The following CADM2 variants were observed in gnomAD, a reference collection of about 807,000 sequenced individuals.
The protein encoded by CADM2 is immunoglobulin superfamily member 4D.
A neutral mutation model predicts 49.8 loss-of-function variants in CADM2; 12 were observed. The observed-to-expected ratio is 0.24, with a 90% CI of 0.15 to 0.39. The LOEUF (loss-of-function observed/expected upper bound fraction) is 0.39, where lower values mean the gene tolerates loss of function less well. CADM2 is among the 10% of genes least tolerant of loss of function. The pLI, the probability that CADM2 is intolerant of heterozygous loss-of-function variation, is 1.00. For missense variants in CADM2, 378 were observed against 492.3 expected (o/e 0.77, Z 2.20); for synonymous variants, 214 against 175.4 (o/e 1.22, Z -1.74).
At chr3:85,509,898 G>GCTAATCTTCTTATATTAAA (rs2040534572) in intron 1 of CADM2, among the ~76,000 whole-genome samples, 2 of 151,778 alleles carry the variant, frequency 1.3e-5, no homozygotes, top group African/African-American at 4.8e-5. Flanking sequence ...ATAAAATAAT[G>GCTAATCTTCTTATATTAAA]GAAGAATCTT....
intron 1 of CADM2, among the ~76,000 whole-genome samples, chr3:85,120,849 C>T (rs2038839239): frequency 1.3e-5 from 2 of 152,114 alleles, no homozygotes; most frequent in African/African-American, 4.8e-5. Flanking sequence ...AAAAAAGATA[C>T]ATTGCTCTGC....
At chr3:85,547,216 A>G (rs1020440992) in intron 1 of CADM2, among the ~76,000 whole-genome samples, 53 of 152,290 alleles carry the variant, frequency 3.5e-4, no homozygotes, top group African/African-American at 1.3e-3. Context: ...GTAATATAAT[A>G]TCTAACAAAT....
chr3:85,589,455 C>T (rs548430435), intron 1 of CADM2, among the ~76,000 whole-genome samples: 1 of 152,102 alleles, frequency 6.6e-6, no homozygotes, highest in South Asian at 2.1e-4. Flanking sequence ...AGCCCATGAT[C>T]ACCCTCTGGT....
chr3:85,993,385 T>A (rs1729021805), intron 8 of CADM2: 1 of 152,188 alleles, frequency 6.6e-6, no homozygotes, highest in African/African-American at 2.4e-5. Flanking sequence ...TTACCATATC[T>A]GCACTTACTT....
intron 8 of CADM2, among the ~76,000 whole-genome samples, chr3:86,018,124 G>A (rs1162354601): frequency 5.6e-5 from 7 of 124,364 alleles, no homozygotes; most frequent in South Asian, 2.8e-4. Context: ...GAGAATATGC[G>A]GTGTTTGGTT....
At chr3:85,646,670 G>T (rs1415390241) in intron 1 of CADM2, among the ~76,000 whole-genome samples, 1 of 151,934 alleles carries the variant, frequency 6.6e-6, no homozygotes, top group Admixed American at 6.6e-5. Flanking sequence ...ATGACATATT[G>T]TAGAGGGAAG....
intron 2 of CADM2, 49 bp from the exon 3 acceptor site, chr3:85,801,998 T>G: frequency 1.4e-6 from 2 of 1,394,892 alleles, no homozygotes; most frequent in Non-Finnish European, 1.9e-6. Flanking sequence ...AGGCAGTTAA[T>G]CATTTTATGA....
intron 1 of CADM2, among the ~76,000 whole-genome samples, chr3:85,147,068 G>A (rs978796047): frequency 1.3e-5 from 2 of 151,870 alleles, no homozygotes; most frequent in African/African-American, 4.8e-5. Flanking sequence ...AGGTCAGGAG[G>A]TCAAGACCAT....
At chr3:85,979,684 G>T (rs995207812) in intron 8 of CADM2, among the ~76,000 whole-genome samples, 9 of 151,476 alleles carry the variant, frequency 5.9e-5, no homozygotes, top group East Asian at 1.9e-4. Flanking sequence ...CCACTCCTCT[G>T]CAACTATGTT....
intron 1 of CADM2, among the ~76,000 whole-genome samples, chr3:85,380,389 C>G (rs2033835171): frequency 6.6e-6 from 1 of 151,746 alleles, no homozygotes; most frequent in Non-Finnish European, 1.5e-5. Context: ...TTTTATGGGA[C>G]TCAGAATAAC....
chr3:85,517,658 T>C (rs571949622), intron 1 of CADM2, among the ~76,000 whole-genome samples: 30 of 152,302 alleles, frequency 2.0e-4, no homozygotes, highest in African/African-American at 6.7e-4. Flanking sequence ...ATGCAGACAG[T>C]ATTGAAGATG....
intron 1 of CADM2, among the ~76,000 whole-genome samples, chr3:85,036,849 T>C (rs2035233701): frequency 1.3e-5 from 2 of 151,870 alleles, no homozygotes; most frequent in East Asian, 1.9e-4. Context: ...CATTATGGGA[T>C]TGCTATTAAG....
intron 1 of CADM2, among the ~76,000 whole-genome samples, chr3:85,171,902 T>G: frequency 6.6e-6 from 1 of 152,214 alleles, no homozygotes; most frequent in East Asian, 1.9e-4. Flanking sequence ...ATTTTTGTGC[T>G]TCTAACATCG....
chr3:85,596,770 G>A (rs2044724), intron 1 of CADM2, among the ~76,000 whole-genome samples: 27,508 of 152,020 alleles, frequency 0.18, 3,002 homozygotes, highest in East Asian at 0.45. Flanking sequence ...ATGCTGGAGT[G>A]CAGTGGCCCG....
At chr3:85,371,268 A>C (rs1224729127) in intron 1 of CADM2, among the ~76,000 whole-genome samples, 3 of 152,086 alleles carry the variant, frequency 2.0e-5, no homozygotes, top group Non-Finnish European at 4.4e-5. Context: ...ACACACCCAG[A>C]GAAGCTTCCA....
chr3:85,611,389 T>A (rs1407455995), intron 1 of CADM2, among the ~76,000 whole-genome samples: 2 of 151,824 alleles, frequency 1.3e-5, no homozygotes, highest in African/African-American at 4.8e-5. Flanking sequence ...ATAACATATC[T>A]CAGCATATCA....
chr3:85,371,000 T>TTA (rs1553714707), intron 1 of CADM2, among the ~76,000 whole-genome samples: 1 of 152,016 alleles, frequency 6.6e-6, no homozygotes, highest in African/African-American at 2.4e-5. Context: ...AGAATTTTTT[T>TTA]AAAAAAGTTT....
chr3:85,590,926 C>CT (rs1318671543), intron 1 of CADM2, among the ~76,000 whole-genome samples: 3 of 90,732 alleles, frequency 3.3e-5, no homozygotes, highest in African/African-American at 9.0e-5. Flanking sequence ...TTTGGAAACT[C>CT]ATTTTTTTTT....
intron 3 of CADM2, among the ~76,000 whole-genome samples, chr3:85,802,445 C>T (rs1426580854): frequency 6.6e-6 from 1 of 152,104 alleles, no homozygotes; most frequent in Admixed American, 6.6e-5. Context: ...CTTCTCTTAA[C>T]AACCATTTCC....
Sources: gnomAD v4.1 joint callset for allele counts (sites outside exome capture counted in the v4.1 genomes callset) on GRCh38, gnomAD v4.1.1 for gene constraint, MANE v1.5 for transcripts, NCBI Gene and HGNC (gene_info 2026-07-23, HGNC 2026-07-21) for gene names.